The following RYR2 variants were observed in gnomAD, a reference collection of about 807,000 sequenced individuals.
RYR2 encodes cardiac muscle ryanodine receptor-calcium release channel.
A neutral mutation model predicts 601.1 loss-of-function variants in RYR2; 227 were observed. The ratio of observed to expected loss-of-function variants is 0.38; its 90% CI spans 0.34 to 0.42. The LOEUF (loss-of-function observed/expected upper bound fraction) is 0.42. Ranked by LOEUF, RYR2 falls within the 10% of genes least tolerant of loss-of-function variation. The pLI is 1.00. For missense variants in RYR2, 4,646 were observed against 6,156.5 expected (o/e 0.75, Z 8.21); for synonymous variants, 2,223 against 2,175.1 (o/e 1.02, Z -0.61).
At chr1:237,697,492 ATT>A (rs1482954746) in intron 63 of RYR2, among the ~76,000 whole-genome samples, 15 of 144,588 alleles carry the variant, frequency 1.0e-4, no homozygotes, top group Non-Finnish European at 2.0e-4. Flanking sequence ...AGAAATATAT[ATT>A]ATATAATATA....
intron 42 of RYR2, among the ~76,000 whole-genome samples, chr1:237,632,208 T>A (rs1680406007): frequency 6.6e-6 from 1 of 151,978 alleles, no homozygotes; most frequent in Admixed American, 6.6e-5. Flanking sequence ...TAATTTATTT[T>A]AAAATTTTGA....
chr1:237,074,276 C>T (rs1664737510), intron 1 of RYR2, among the ~76,000 whole-genome samples: 1 of 152,144 alleles, frequency 6.6e-6, no homozygotes, highest in African/African-American at 2.4e-5. Flanking sequence ...ACGATTATGC[C>T]ACTGCACTCT....
At chr1:237,266,825 G>A (rs56938085) in intron 1 of RYR2, among the ~76,000 whole-genome samples, 21,721 of 151,832 alleles carry the variant, frequency 0.14, 1,900 homozygotes, top group Non-Finnish European at 0.19. Flanking sequence ...ATTGAAAGCT[G>A]TAGCTATAGC....
chr1:237,220,344 A>G (rs1248774543), intron 1 of RYR2, among the ~76,000 whole-genome samples: 4 of 151,816 alleles, frequency 2.6e-5, no homozygotes, highest in Admixed American at 2.0e-4. Context: ...TGGCTTTTGG[A>G]CTCCGGGACT....
chr1:237,159,162 A>G (rs1443374981), intron 1 of RYR2, among the ~76,000 whole-genome samples: 1 of 152,134 alleles, frequency 6.6e-6, no homozygotes, highest in Non-Finnish European at 1.5e-5. Flanking sequence ...GTGGTGGTGC[A>G]TGCCTGTAAT....
Position 237,456,722 on chromosome 1 carries a change from G to A in RYR2, c.1599G>A (p.Leu533=). 1 of 1,613,464 alleles carries A rather than the reference G, an allele frequency of 6.2e-7. No homozygotes were observed. The highest frequency in any genetic ancestry group is 8.5e-7 in the Non-Finnish European group (1 of 1,179,602). Residue 533 remains leucine (L), a synonymous_variant, in exon 16 of 105, where the codon CTG becomes CTA. Coordinates refer to ENST00000366574, the MANE Select transcript of RYR2 (RefSeq NM_001035.3). ...GESWKSILNS[L]YELLAALIRG... is the part of the protein sequence containing the mutation. ...CTTGGAAATCCATTCTGAATTCTCT[G>A]TATGAGTTGCTGGGTAAGAAGCATG...
rs773884612 is a variant in RYR2 at position 237,756,323 on chromosome 1, G to T, written c.11181G>T (p.Gln3727His). 1.9e-6 allele frequency: 3 copies of T among 1,613,436 alleles called. No individual in the cohort carries two copies. Among genetic ancestry groups the T allele is most frequent in the Non-Finnish European group, 2.5e-6 (3 of 1,179,596 alleles). The change falls in exon 81 of 105, where the codon CAG (glutamine) becomes CAT (histidine). Residue 3727 changes from glutamine (Q) to histidine (H), a missense_variant. Gln to His is a conservative substitution (Grantham distance 24, BLOSUM62 0). Coordinates refer to ENST00000366574, the MANE Select transcript of RYR2 (RefSeq NM_001035.3). ...TGGAAAAGCAAAAGCTTCTATACCA[G>T]CAAGCCCGACTCCACGATCGTGGCG... ...KEMEKQKLLY[Q>H]QARLHDRGAA...
At chr1:237,247,362 G>A (rs1686958697) in intron 1 of RYR2, among the ~76,000 whole-genome samples, 1 of 152,140 alleles carries the variant, frequency 6.6e-6, no homozygotes, top group African/African-American at 2.4e-5. Flanking sequence ...GACTTTCGTA[G>A]AGTGCCCACT....
chr1:237,315,564 C>A (rs1178909635), intron 2 of RYR2, among the ~76,000 whole-genome samples: 2 of 152,008 alleles, frequency 1.3e-5, no homozygotes, highest in Non-Finnish European at 2.9e-5. Flanking sequence ...CTGTAATATA[C>A]TTTGAACAGG....
At chr1:237,648,752 G>A (rs1682426808) in intron 49 of RYR2, 139 bp downstream of exon 49, 7 of 1,024,706 alleles carry the variant, frequency 6.8e-6, no homozygotes, top group South Asian at 1.9e-5. Context: ...GGTAAGCCAT[G>A]GGTAAACAGA....
At chr1:237,198,004 G>A (rs1369960956) in intron 1 of RYR2, among the ~76,000 whole-genome samples, 1 of 152,156 alleles carries the variant, frequency 6.6e-6, no homozygotes, top group Non-Finnish European at 1.5e-5. Flanking sequence ...AACAGGAACA[G>A]GTCTGATACA....
intron 25 of RYR2, among the ~76,000 whole-genome samples, chr1:237,533,621 A>G (rs1048840805): frequency 5.9e-5 from 9 of 152,214 alleles, no homozygotes; most frequent in Middle Eastern, 3.2e-3. Context: ...ATAAGGGTGT[A>G]AAAAACATTC....
chr1:237,118,506 T>A (rs980274664), intron 1 of RYR2, among the ~76,000 whole-genome samples: 1 of 151,822 alleles, frequency 6.6e-6, no homozygotes. Context: ...TATTCAGAAA[T>A]AGTCTATAGT....
At chr1:237,145,899 T>C (rs1373942084) in intron 1 of RYR2, among the ~76,000 whole-genome samples, 1 of 152,220 alleles carries the variant, frequency 6.6e-6, no homozygotes, top group Non-Finnish European at 1.5e-5. Flanking sequence ...TATTATTAGT[T>C]AAAGTTAAAA....
Position 237,783,823 on chromosome 1 carries a change from C to T in RYR2, c.12111C>T (p.Pro4037=), listed in dbSNP as rs770463326. ...TSSDTFKEYD[P]DGKGVISKRD... Reference sequence around the variant, plus strand: ...CTGATACTTTTAAAGAATATGACCCCGATGGCAAGGGAGTCATTTCCAAGA... The same window carrying T: ...CTGATACTTTTAAAGAATATGACCCTGATGGCAAGGGAGTCATTTCCAAGA... The change falls in exon 90 of 105, where the codon CCC becomes CCT. Residue 4037 remains proline, a synonymous_variant. Transcript: ENST00000366574. 4.4e-5 allele frequency: 71 copies of T among 1,613,642 alleles called. No homozygotes were observed. Among genetic ancestry groups the T allele is most frequent in the Non-Finnish European group, 5.8e-5 (68 of 1,179,858 alleles).
rs576213111 is a variant in RYR2 at position 237,283,420 on chromosome 1, T to C, written c.168+12804T>C. Among the ~76,000 whole-genome samples the C allele has an allele frequency of 2.0e-5, 3 of 152,296 alleles. No individual in the cohort carries two copies. The South Asian group carries it at 6.2e-4, about 32-fold the overall frequency. Reference sequence around the variant, plus strand: ...GCTAACTCATGTGTCCCTTTACATTTACTTTGGCGTTTCTCAAATTATGAA... The same window carrying C: ...GCTAACTCATGTGTCCCTTTACATTCACTTTGGCGTTTCTCAAATTATGAA... On this transcript the variant is annotated intron_variant, in intron 2 of 104. Transcript: ENST00000366574.
intron 71 of RYR2, among the ~76,000 whole-genome samples, 153 bp from the exon 72 acceptor site, chr1:237,717,045 G>A (rs911559420): frequency 3.9e-5 from 6 of 152,136 alleles, no homozygotes; most frequent in South Asian, 2.1e-4. Context: ...ACTAAGAAGG[G>A]AAGAGAAAAA....
intron 25 of RYR2, among the ~76,000 whole-genome samples, chr1:237,531,814 C>G (rs1668164150): frequency 6.6e-6 from 1 of 152,062 alleles, no homozygotes; most frequent in Admixed American, 6.6e-5. Context: ...CAAAATGACA[C>G]TTTTTCATCA....
chr1:237,052,013 G>A (rs1032812442), intron 1 of RYR2, among the ~76,000 whole-genome samples: 1 of 152,174 alleles, frequency 6.6e-6, no homozygotes, highest in Admixed American at 6.5e-5. Context: ...TGTGTTTAAT[G>A]TTTGTGGAAT....
Sources: allele counts gnomAD v4.1 joint callset (sites outside exome capture counted in the v4.1 genomes callset), GRCh38; gene constraint gnomAD v4.1.1; transcripts MANE v1.5; gene names NCBI Gene and HGNC (gene_info 2026-07-23, HGNC 2026-07-21).